Variants in FAM167A observed in about 807,000 individuals in gnomAD.
FAM167A encodes the protein protein FAM167A.
Under a neutral mutation model 14.9 loss-of-function variants are expected in FAM167A, and 23 were observed. The ratio of observed to expected loss-of-function variants is 1.55; its 90% CI spans 1.11 to 2.19. FAM167A has a LOEUF of 2.19. FAM167A is among the 30% of genes most tolerant of loss of function. FAM167A has a pLI of 0.00. For missense variants in FAM167A, 401 were observed against 281.5 expected (o/e 1.42, Z -3.04); for synonymous variants, 174 against 117.7 (o/e 1.48, Z -3.10).
chr8:11,454,632 A>G (rs1478474703), intron 1 of FAM167A, among the ~76,000 whole-genome samples: 1 of 152,240 alleles, frequency 6.6e-6, no homozygotes, highest in Non-Finnish European at 1.5e-5. Context: ...TCATGCCTGC[A>G]TCTTTTCCTT....
intron 2 of FAM167A, chr8:11,435,231 CT>C: frequency 2.4e-6 from 1 of 418,930 alleles, no homozygotes; most frequent in Admixed American, 2.5e-5. Context: ...ACCTGTCACC[CT>C]TCAGGACCAG....
chr8:11,449,106 T>C (rs2409773), intron 1 of FAM167A, among the ~76,000 whole-genome samples: 53,849 of 152,132 alleles, frequency 0.35, 10,015 homozygotes, highest in East Asian at 0.65. Context: ...AGGAATGGGA[T>C]TGCCCCCAGC....
At chr8:11,426,421 T>G (rs1214083756) in intron 2 of FAM167A, among the ~76,000 whole-genome samples, 2 of 152,178 alleles carry the variant, frequency 1.3e-5, no homozygotes, top group Non-Finnish European at 2.9e-5. Context: ...TAAACCTCTT[T>G]AAGTATTTTA....
chr8:11,424,486 C>A lies in FAM167A; in HGVS notation c.532G>T (p.Ala178Ser). 1 of 1,614,118 alleles carries A rather than the reference C, an allele frequency of 6.2e-7. No homozygotes were observed. The change falls in exon 3 of 3, where the codon GCC becomes TCC. Residue 178 changes from alanine (A) to serine (S), a missense_variant. Ala to Ser is a moderately conservative substitution (Grantham distance 99, BLOSUM62 1). Transcript: ENST00000284486. Reference protein sequence around the residue: ...TYELEERDELADLFCDSPLAS... With the variant: ...TYELEERDELSDLFCDSPLAS... ...AGAGGGGAGTCACAGAAGAGGTCGG[C>A]CAGCTCATCCCGCTCCTCCAGCTCG...
At chr8:11,470,440 G>A (rs1807923298), upstream of FAM167A, among the ~76,000 whole-genome samples, 1 of 152,220 alleles carries the variant, frequency 6.6e-6, no homozygotes, top group Non-Finnish European at 1.5e-5. Context: ...GAGCATGGGT[G>A]GGAGATGACA....
intron 1 of FAM167A, among the ~76,000 whole-genome samples, chr8:11,453,607 A>G (rs1807112897): frequency 6.6e-6 from 1 of 152,186 alleles, no homozygotes; most frequent in East Asian, 1.9e-4. Context: ...GGGCTGCAGC[A>G]GGAGCCAGGA....
chr8:11,452,883 C>T (rs1280775831), intron 1 of FAM167A, among the ~76,000 whole-genome samples: 13 of 152,208 alleles, frequency 8.5e-5, no homozygotes, highest in East Asian at 3.9e-4. Flanking sequence ...CACACACATT[C>T]GGGCCTCACG....
At chr8:11,425,391 C>T (rs1421734456) in intron 2 of FAM167A, among the ~76,000 whole-genome samples, 9 of 152,182 alleles carry the variant, frequency 5.9e-5, no homozygotes. Context: ...AGCCGGACAG[C>T]TGGACTCCAG....
intron 1 of FAM167A, 95 bp from the exon 2 acceptor site, chr8:11,444,903 G>C (rs899349396): frequency 1.4e-5 from 13 of 932,190 alleles, no homozygotes; most frequent in Non-Finnish European, 9.0e-6. Flanking sequence ...CTGAGGCTCA[G>C]AGTGGACTGG....
rs141133384 is a variant in FAM167A at position 11,444,186 on chromosome 8, G to T, written c.226C>A (p.Arg76Ser). The change falls in exon 2 of 3, where the codon CGT (arginine) becomes AGT (serine). Residue 76 changes from arginine to serine, a missense_variant. Arg to Ser is a moderately radical substitution (Grantham distance 110). Coordinates refer to ENST00000284486, the MANE Select transcript of FAM167A (RefSeq NM_053279.3). ...GGGAGCAAGGGCTCCTGCCCCCCAC[G>T]CTCCCCCTCCTCCAAGCTCGCCTGT... ...EPQASLEEGE[R>S]GGQEPLLPLR... 6 of 1,612,810 alleles carry T rather than the reference G, an allele frequency of 3.7e-6. No individual in the cohort carries two copies. In the South Asian group the frequency reaches 4.4e-5, roughly 12 times the overall value.
intron 1 of FAM167A, chr8:11,474,807 GA>G (rs1797816843): frequency 6.6e-6 from 1 of 152,446 alleles, no homozygotes; most frequent in Non-Finnish European, 1.5e-5. Flanking sequence ...AGGAGAAAGG[GA>G]GAGGAAAAGG....
chr8:11,458,826 A>C (rs1256389355), intron 1 of FAM167A, among the ~76,000 whole-genome samples: 1 of 152,142 alleles, frequency 6.6e-6, no homozygotes. Context: ...GAGCATCCTG[A>C]CATCTTCTGA....
chr8:11,424,486 C>G lies in FAM167A; in HGVS notation c.532G>C (p.Ala178Pro). The change falls in exon 3 of 3, where the codon GCC (alanine) becomes CCC (proline). Residue 178 changes from alanine to proline, a missense_variant. Transcript: ENST00000284486. ...AGAGGGGAGTCACAGAAGAGGTCGG[C>G]CAGCTCATCCCGCTCCTCCAGCTCG... is the stretch of plus-strand genomic sequence containing the variant. ...TYELEERDEL[A>P]DLFCDSPLAS... is the part of the protein sequence containing the mutation. 2 of 1,614,118 alleles carry G rather than the reference C, an allele frequency of 1.2e-6. No individual in the cohort carries two copies. The highest frequency in any genetic ancestry group is 2.2e-5 in the South Asian group (2 of 91,074).
At chr8:11,453,636 G>C (rs145273983) in intron 1 of FAM167A, among the ~76,000 whole-genome samples, 16 of 152,276 alleles carry the variant, frequency 1.1e-4, no homozygotes, top group Non-Finnish European at 1.8e-4. Flanking sequence ...CTGGGGACCA[G>C]GACCGGGTCA....
At chr8:11,442,843 T>C (rs908854570) in intron 2 of FAM167A, among the ~76,000 whole-genome samples, 3 of 152,138 alleles carry the variant, frequency 2.0e-5, no homozygotes, top group African/African-American at 7.2e-5. Flanking sequence ...AGAAGCACTC[T>C]CGGTATCAAG....
chr8:11,438,455 G>C (rs968229887), intron 2 of FAM167A: 3 of 457,222 alleles, frequency 6.6e-6, no homozygotes, highest in African/African-American at 6.0e-5. Context: ...TGCTACAGAA[G>C]TACAAGGTGA....
At position 11,424,204 on chromosome 8, in the gene FAM167A, G is replaced by T; in HGVS notation, c.*169C>A. 1.3e-6 allele frequency: 1 copy of T among 766,196 alleles called. No homozygotes were observed. Among genetic ancestry groups the T allele is most frequent in the Non-Finnish European group, 2.0e-6 (1 of 488,516 alleles). The allele number at this position is 766,196 out of a possible 1,614,324, so 47.5% of individuals were successfully genotyped here. A position where few individuals can be genotyped will look rare whatever the true frequency, so the allele number is the denominator to read the frequency against. ...AGAGACACTGGCATCCACACCCAGGGCCCCTGGGTGGGAGAGCACCACTGA... is the reference window on the plus strand; with the variant it reads ...AGAGACACTGGCATCCACACCCAGGTCCCCTGGGTGGGAGAGCACCACTGA... On this transcript the variant is annotated 3_prime_UTR_variant, in exon 3 of 3. Coordinates refer to ENST00000284486, the MANE Select transcript of FAM167A (RefSeq NM_053279.3).
chr8:11,446,787 AAGACTTATC>A (rs1806803105), intron 1 of FAM167A, among the ~76,000 whole-genome samples: 1 of 152,184 alleles, frequency 6.6e-6, no homozygotes, highest in Non-Finnish European at 1.5e-5. Context: ...TCCAAATCTA[AAGACTTATC>A]AGCTGCTTTC....
intron 1 of FAM167A, among the ~76,000 whole-genome samples, chr8:11,465,639 T>C (rs547380616): frequency 6.6e-6 from 1 of 152,346 alleles, no homozygotes; most frequent in South Asian, 2.1e-4. Flanking sequence ...ACAGCACCTC[T>C]GCTTTCCCAA....
Sources: allele counts gnomAD v4.1 joint callset (sites outside exome capture counted in the v4.1 genomes callset), GRCh38; gene constraint gnomAD v4.1.1; transcripts MANE v1.5; gene names NCBI Gene and HGNC (gene_info 2026-07-23, HGNC 2026-07-21).